Variants in SNTB1 observed in about 807,000 individuals in gnomAD.
SNTB1 encodes beta-1-syntrophin.
Under a neutral mutation model 48.9 loss-of-function variants are expected in SNTB1, and 36 were observed. The observed-to-expected ratio is 0.74, with a 90% CI of 0.56 to 0.97. The LOEUF is 0.97. Ranked by LOEUF, SNTB1 falls within the 50% of genes least tolerant of loss-of-function variation. The probability of loss-of-function intolerance (pLI) is 0.00; values close to 1 mark genes in which losing one functional copy is unlikely to be tolerated. For missense variants in SNTB1, 786 were observed against 703.4 expected (o/e 1.12, Z -1.33); for synonymous variants, 299 against 294.6 (o/e 1.01, Z -0.15).
At chr8:120,792,076 T>A (rs186380680) in intron 1 of SNTB1, among the ~76,000 whole-genome samples, 2 of 150,546 alleles carry the variant, frequency 1.3e-5, no homozygotes, top group Non-Finnish European at 3.0e-5. Context: ...TGGGTACCAC[T>A]CATATATATA....
Position 120,538,524 on chromosome 8 carries a change from A to C in SNTB1, c.*353T>G, listed in dbSNP as rs1315880267. The C allele has an allele frequency of 2.8e-5, 11 of 391,662 alleles. No homozygotes were observed. Among genetic ancestry groups the C allele is most frequent in the Non-Finnish European group, 5.2e-5 (10 of 191,434 alleles). 24.3% of individuals were successfully genotyped at this position (391,662 alleles called of 1,614,324 possible). A position where few individuals can be genotyped will look rare whatever the true frequency, so the allele number is the denominator to read the frequency against. ...TTCGGCCCTTGCGTACCTGGTGAAC[A>C]AGTTGCCTAGGAACTGGGATGATTA... On this transcript the variant is annotated 3_prime_UTR_variant, in exon 7 of 7. Transcript: ENST00000517992.
chr8:120,743,154 G>A (rs1437099761), intron 1 of SNTB1, among the ~76,000 whole-genome samples: 1 of 152,096 alleles, frequency 6.6e-6, no homozygotes, highest in Non-Finnish European at 1.5e-5. Flanking sequence ...TCTTCTTTAT[G>A]GGTTTTTCTG....
intron 2 of SNTB1, among the ~76,000 whole-genome samples, chr8:120,682,113 T>C (rs943480871): frequency 6.6e-6 from 1 of 150,944 alleles, no homozygotes; most frequent in African/African-American, 2.4e-5. Context: ...AAAAAAAAGG[T>C]AATGTAAGCA....
intron 1 of SNTB1, among the ~76,000 whole-genome samples, chr8:120,718,642 C>T (rs761040872): frequency 5.1e-4 from 78 of 152,280 alleles, no homozygotes; most frequent in Non-Finnish European, 9.1e-4. Flanking sequence ...TTCCTCCTAA[C>T]TGCTTCCGGA....
intron 2 of SNTB1, among the ~76,000 whole-genome samples, chr8:120,652,047 A>G (rs1817418811): frequency 6.6e-6 from 1 of 152,224 alleles, no homozygotes; most frequent in African/African-American, 2.4e-5. Context: ...TGTATCTTTT[A>G]AATTTTGTTC....
chr8:120,564,572 T>TTTC (rs1815719325), intron 4 of SNTB1, among the ~76,000 whole-genome samples: 1 of 139,214 alleles, frequency 7.2e-6, no homozygotes, highest in African/African-American at 2.6e-5. Context: ...TGGTTTTTTT[T>TTTC]TTTTTTTTTT....
At chr8:120,562,025 C>A (rs1462807666) in intron 4 of SNTB1, among the ~76,000 whole-genome samples, 1 of 152,226 alleles carries the variant, frequency 6.6e-6, no homozygotes, top group Non-Finnish European at 1.5e-5. Flanking sequence ...CCCATCCAAA[C>A]AGCCAACAAG....
rs1320921939 is a variant in SNTB1, at chr8:120,684,965, T to C, written c.788+8727A>G. Among the ~76,000 whole-genome samples, 5 of 152,330 alleles carry C rather than the reference T, an allele frequency of 3.3e-5. No individual in the cohort carries two copies. In the East Asian group the frequency reaches 9.7e-4, roughly 29 times the overall value. On this transcript the variant is annotated intron_variant, in intron 2 of 6. Transcript: ENST00000517992. ...GCCACCATGCCCAGCAAAAATTGAATCTTAATTCTCCAGAATAATTTTCTT... is the reference window on the plus strand; with the variant it reads ...GCCACCATGCCCAGCAAAAATTGAACCTTAATTCTCCAGAATAATTTTCTT...
At chr8:120,633,878 T>C (rs1227036473) in intron 2 of SNTB1, among the ~76,000 whole-genome samples, 1 of 152,220 alleles carries the variant, frequency 6.6e-6, no homozygotes, top group Non-Finnish European at 1.5e-5. Flanking sequence ...CCTCCTATAG[T>C]ACAGTATCAA....
chr8:120,582,502 T>C (rs1334783381), intron 3 of SNTB1, among the ~76,000 whole-genome samples: 2 of 152,150 alleles, frequency 1.3e-5, no homozygotes, highest in African/African-American at 4.8e-5. Flanking sequence ...ATCTGTTTTT[T>C]TGAGATCATG....
intron 3 of SNTB1, among the ~76,000 whole-genome samples, chr8:120,627,284 C>T (rs193111246): frequency 3.3e-5 from 5 of 152,194 alleles, no homozygotes; most frequent in African/African-American, 7.2e-5. Flanking sequence ...GAGAGACTGG[C>T]GTATCTAATT....
At chr8:120,798,385 A>T (rs1033796943) in intron 1 of SNTB1, among the ~76,000 whole-genome samples, 1 of 152,022 alleles carries the variant, frequency 6.6e-6, no homozygotes, top group East Asian at 1.9e-4. Context: ...AACACTTGTC[A>T]ATGTCTGAAG....
intron 2 of SNTB1, among the ~76,000 whole-genome samples, chr8:120,644,498 T>C (rs1817250174): frequency 6.6e-6 from 1 of 152,178 alleles, no homozygotes; most frequent in African/African-American, 2.4e-5. Context: ...GAACTCATCA[T>C]TTTTTATGGC....
At chr8:120,634,323 G>C (rs1042512725) in intron 2 of SNTB1, among the ~76,000 whole-genome samples, 4 of 152,060 alleles carry the variant, frequency 2.6e-5, no homozygotes, top group Admixed American at 2.0e-4. Flanking sequence ...AATCTACTAT[G>C]TGCCAGGCAA....
chr8:120,653,350 G>T (rs912128601), intron 2 of SNTB1, among the ~76,000 whole-genome samples: 3 of 152,108 alleles, frequency 2.0e-5, no homozygotes, highest in Non-Finnish European at 2.9e-5. Flanking sequence ...TGAAGGTGGA[G>T]GCAGAGTTTG....
chr8:120,702,176 C>CT (rs1818318701), intron 1 of SNTB1, among the ~76,000 whole-genome samples: 1 of 152,208 alleles, frequency 6.6e-6, no homozygotes, highest in Admixed American at 6.5e-5. Context: ...GCTCCCTACC[C>CT]TTAAGGTGCT....
At chr8:120,560,299 A>G (rs2130666342) in intron 4 of SNTB1, among the ~76,000 whole-genome samples, 1 of 152,312 alleles carries the variant, frequency 6.6e-6, no homozygotes, top group South Asian at 2.1e-4. Flanking sequence ...CCTGGCCAAC[A>G]TGGCGAAACC....
chr8:120,749,518 G>A (rs138455597), intron 1 of SNTB1, among the ~76,000 whole-genome samples: 233 of 152,080 alleles, frequency 1.5e-3, no homozygotes, highest in African/African-American at 5.2e-3. Flanking sequence ...ATGTATCTAC[G>A]TGATGTATCT....
At chr8:120,715,091 C>T (rs1022750477) in intron 1 of SNTB1, among the ~76,000 whole-genome samples, 1 of 152,212 alleles carries the variant, frequency 6.6e-6, no homozygotes, top group African/African-American at 2.4e-5. Context: ...AAGTTATAGC[C>T]AACCTTTGTC....
Sources: allele counts gnomAD v4.1 joint callset (sites outside exome capture counted in the v4.1 genomes callset), GRCh38; gene constraint gnomAD v4.1.1; transcripts MANE v1.5; gene names NCBI Gene and HGNC (gene_info 2026-07-23, HGNC 2026-07-21).